PARPBP: variants seen among roughly 807,000 people sequenced by gnomAD.
The protein encoded by PARPBP is PARP1 binding protein.
Under a neutral mutation model 50.0 loss-of-function variants are expected in PARPBP, and 52 were observed. The observed-to-expected ratio is 1.04, with a 90% CI of 0.83 to 1.31. The LOEUF (loss-of-function observed/expected upper bound fraction) is 1.31. Among genes scored for constraint, PARPBP ranks in the 50% most tolerant of loss-of-function variants. The probability of loss-of-function intolerance (pLI) is 0.00; values close to 1 mark genes in which losing one functional copy is unlikely to be tolerated. For synonymous variants in PARPBP, 244 were observed against 232.1 expected (o/e 1.05, Z -0.47); for missense variants, 697 against 672.0 (o/e 1.04, Z -0.41).
chr12:102,164,381 G>T, intron 4 of PARPBP, 57 bp from the exon 5 acceptor site: 1 of 1,285,954 alleles, frequency 7.8e-7, no homozygotes, highest in Non-Finnish European at 1.1e-6. Context: ...TTATGAAAAA[G>T]ATTATGGATT....
intron 2 of PARPBP, 36 bp from the exon 3 acceptor site, chr12:102,148,194 C>CT: frequency 1.1e-6 from 1 of 891,356 alleles, no homozygotes; most frequent in Non-Finnish European, 1.7e-6. Context: ...TGGTACCCAA[C>CT]TTTATTTTTT....
At chr12:102,133,570 C>G (rs777277498) in intron 2 of PARPBP, among the ~76,000 whole-genome samples, 21 of 152,010 alleles carry the variant, frequency 1.4e-4, no homozygotes, top group Non-Finnish European at 2.5e-4. Flanking sequence ...CATATGTGTT[C>G]ATTATGGATA....
At chr12:102,131,380 A>T (rs1882828792) in intron 2 of PARPBP, among the ~76,000 whole-genome samples, 1 of 152,222 alleles carries the variant, frequency 6.6e-6, no homozygotes, top group Non-Finnish European at 1.5e-5. Context: ...GAACATTTAT[A>T]CACTGTTGGG....
chr12:102,177,629 T>C lies in PARPBP; in HGVS notation c.1006-963T>C, dbSNP rs571350224. The stretch of plus-strand genomic sequence containing the variant: ...ATTTCTAAACTGTTCTATTATAGTC[T>C]TTAATTTGTGACCTGTCTCCAGATT... On this transcript the variant is annotated intron_variant, in intron 7 of 10. Transcript: ENST00000327680. Among the ~76,000 whole-genome samples the C allele has an allele frequency of 5.9e-5, 9 of 152,200 alleles. No homozygotes were observed. The South Asian group carries it at 1.7e-3, about 28-fold the overall frequency.
At chr12:102,142,154 G>C (rs1046249173) in intron 2 of PARPBP, among the ~76,000 whole-genome samples, 11 of 152,098 alleles carry the variant, frequency 7.2e-5, no homozygotes, top group Admixed American at 5.9e-4. Context: ...TTTTCATATA[G>C]TCCCATATTT....
intron 2 of PARPBP, among the ~76,000 whole-genome samples, chr12:102,133,992 A>G (rs1883241856): frequency 6.6e-6 from 1 of 152,076 alleles, no homozygotes; most frequent in Non-Finnish European, 1.5e-5. Flanking sequence ...TTATAGCAAT[A>G]AACACCTACA....
At chr12:102,159,964 G>C (rs931051016) in intron 4 of PARPBP, among the ~76,000 whole-genome samples, 2 of 152,164 alleles carry the variant, frequency 1.3e-5, no homozygotes, top group African/African-American at 4.8e-5. Flanking sequence ...TTTGTGGTAT[G>C]GATATAATCA....
At chr12:102,146,396 C>T (rs2138527805) in intron 2 of PARPBP, among the ~76,000 whole-genome samples, 1 of 152,116 alleles carries the variant, frequency 6.6e-6, no homozygotes, top group Non-Finnish European at 1.5e-5. Context: ...AGAACAGAGC[C>T]CTCGGAAATA....
At chr12:102,184,359 A>G (rs982654399) in intron 9 of PARPBP, among the ~76,000 whole-genome samples, 2 of 152,178 alleles carry the variant, frequency 1.3e-5, no homozygotes, top group South Asian at 2.1e-4. Context: ...CTTAAAATTA[A>G]GTAAATCAAA....
intron 2 of PARPBP, among the ~76,000 whole-genome samples, chr12:102,124,302 A>G (rs1881617601): frequency 6.6e-6 from 1 of 152,194 alleles, no homozygotes; most frequent in African/African-American, 2.4e-5. Flanking sequence ...AAGATTTAGG[A>G]TAAACATGTA....
intron 3 of PARPBP, chr12:102,151,679 G>A (rs970361804): frequency 9.8e-6 from 15 of 1,535,492 alleles, no homozygotes; most frequent in Non-Finnish European, 1.3e-5. Context: ...ACTCTGGAGC[G>A]GCAGAAGGGA....
At chr12:102,150,350 T>C (rs1164308884) in intron 3 of PARPBP, 1 of 436,584 alleles carries the variant, frequency 2.3e-6, no homozygotes, top group East Asian at 7.2e-5. Context: ...AATCCCAATT[T>C]TTGCTGAAAG....
chr12:102,158,147 TAGTG>T (rs1887167107), intron 4 of PARPBP, among the ~76,000 whole-genome samples: 1 of 132,990 alleles, frequency 7.5e-6, no homozygotes, highest in Non-Finnish European at 1.6e-5. Flanking sequence ...AAAAAAAGAA[TAGTG>T]AGCTTCTAAT....
At chr12:102,174,678 C>T (rs773246657) in intron 6 of PARPBP, among the ~76,000 whole-genome samples, 3 of 152,128 alleles carry the variant, frequency 2.0e-5, no homozygotes, top group Non-Finnish European at 4.4e-5. Flanking sequence ...AAAAGAGAAT[C>T]CTCTTCTATT....
chr12:102,125,288 A>G (rs974674659), intron 2 of PARPBP, among the ~76,000 whole-genome samples: 3 of 152,222 alleles, frequency 2.0e-5, no homozygotes, highest in Admixed American at 6.5e-5. Context: ...GACATAATAA[A>G]TGCTATTAAT....
intron 2 of PARPBP, among the ~76,000 whole-genome samples, chr12:102,125,689 G>C (rs1881887326): frequency 6.6e-6 from 1 of 152,008 alleles, no homozygotes; most frequent in Non-Finnish European, 1.5e-5. Context: ...ATATATGTTG[G>C]GGTTAAAACG....
At chr12:102,191,795 A>T (rs145350201) in intron 9 of PARPBP, among the ~76,000 whole-genome samples, 27 of 152,292 alleles carry the variant, frequency 1.8e-4, no homozygotes, top group African/African-American at 6.5e-4. Context: ...TCTACAAAGG[A>T]ATACTTTCAA....
Position 102,153,959 on chromosome 12 carries a change from A to G in PARPBP, c.478A>G (p.Asn160Asp). The change falls in exon 4 of 11, where the codon AAC becomes GAC. Residue 160 changes from asparagine (N) to aspartate (D), a missense_variant. Coordinates refer to ENST00000327680, the MANE Select transcript of PARPBP (RefSeq NM_017915.5). The part of the protein sequence containing the change: ...SIPTSPTSKY[N>D]RDNEKVQLLA... The stretch of plus-strand genomic sequence containing the variant: ...ACCAACATCACCAACAAGTAAATAC[A>G]ACCGTGATAATGAAAAGGTACTGAT... 6.4e-7 allele frequency: 1 copy of G among 1,573,348 alleles called. No individual in the cohort carries two copies. The highest frequency in any genetic ancestry group is 8.7e-7 in the Non-Finnish European group (1 of 1,143,206).
At chr12:102,145,738 G>T (rs185045341) in intron 2 of PARPBP, among the ~76,000 whole-genome samples, 1 of 152,236 alleles carries the variant, frequency 6.6e-6, no homozygotes, top group Non-Finnish European at 1.5e-5. Flanking sequence ...GAAAGAAAAA[G>T]AATAATTTTG....
Sources: allele counts gnomAD v4.1 joint callset (sites outside exome capture counted in the v4.1 genomes callset), GRCh38; gene constraint gnomAD v4.1.1; transcripts MANE v1.5; gene names NCBI Gene and HGNC (gene_info 2026-07-23, HGNC 2026-07-21).